The following SLC4A10 variants were observed in gnomAD, a reference collection of about 807,000 sequenced individuals.
SLC4A10 encodes sodium-driven chloride bicarbonate exchanger.
SLC4A10 carries 42 observed loss-of-function variants against 137.7 expected under a neutral mutation model. The observed-to-expected ratio is 0.30, with a 90% CI of 0.24 to 0.39. SLC4A10 has a LOEUF of 0.39. Ranked by LOEUF, SLC4A10 falls within the 10% of genes least tolerant of loss-of-function variation. The probability of loss-of-function intolerance (pLI) is 1.00; values close to 1 mark genes in which losing one functional copy is unlikely to be tolerated. For missense variants in SLC4A10, 925 were observed against 1,355.0 expected, an observed-to-expected ratio of 0.68 and a Z score of 4.98; for synonymous variants, 474 against 464.1, an observed-to-expected ratio of 1.02 and a Z score of -0.27.
At chr2:161,699,082 C>T (rs925034771) in intron 1 of SLC4A10, among the ~76,000 whole-genome samples, 8 of 152,118 alleles carry the variant, frequency 5.3e-5, no homozygotes, top group African/African-American at 1.9e-4. Flanking sequence ...TGCAGTGGCG[C>T]GATCTCAGCT....
chr2:161,708,880 T>A (rs2043975447), intron 1 of SLC4A10: 1 of 1,495,994 alleles, frequency 6.7e-7, no homozygotes, highest in African/African-American at 1.4e-5. Flanking sequence ...GGTGCTTGCT[T>A]TTTCTAGTTC....
intron 1 of SLC4A10, among the ~76,000 whole-genome samples, chr2:161,726,741 T>A (rs753640088): frequency 3.3e-5 from 5 of 152,192 alleles, no homozygotes; most frequent in Non-Finnish European, 7.4e-5. Flanking sequence ...AAACCTCAAC[T>A]CTACTAAAAA....
At chr2:161,933,191 CTTT>C (rs1559564996) in intron 15 of SLC4A10, among the ~76,000 whole-genome samples, 1 of 48,130 alleles carries the variant, frequency 2.1e-5, no homozygotes, top group Non-Finnish European at 4.3e-5. Flanking sequence ...TCTTTTCTTT[CTTT>C]CTTTCTTTCT....
intron 5 of SLC4A10, among the ~76,000 whole-genome samples, chr2:161,860,577 C>G (rs2060380618): frequency 6.6e-6 from 1 of 152,128 alleles, no homozygotes; most frequent in South Asian, 2.1e-4. Flanking sequence ...AGTGTAATGT[C>G]ATATACGTTG....
At chr2:161,848,722 C>T (rs181962113) in intron 4 of SLC4A10, among the ~76,000 whole-genome samples, 25 of 152,038 alleles carry the variant, frequency 1.6e-4, no homozygotes, top group Admixed American at 8.5e-4. Context: ...GGTCCTTTAA[C>T]CTGTTCCATT....
Position 161,912,986 on chromosome 2 carries a change from C to T in SLC4A10, c.1997+7099C>T, listed in dbSNP as rs78986911. Among the ~76,000 whole-genome samples, 108 of 152,218 alleles carry T rather than the reference C, an allele frequency of 7.1e-4. No individual in the cohort carries two copies. In the East Asian group the frequency reaches 0.02, roughly 28 times the overall value. ...GAATCCTGCTTATGGAATACTGTCA[C>T]ATCATCCTTGAGTAAATCTTTCATG... On this transcript the variant is annotated intron_variant, in intron 15 of 26. Coordinates refer to ENST00000446997, the MANE Select transcript of SLC4A10 (RefSeq NM_001178015.2).
intron 6 of SLC4A10, among the ~76,000 whole-genome samples, chr2:161,867,605 A>G (rs1415794925): frequency 1.3e-5 from 2 of 152,156 alleles, no homozygotes; most frequent in South Asian, 2.1e-4. Context: ...AAGAGCAAAC[A>G]TAATTCTAGT....
At chr2:161,851,192 T>C (rs2059811510) in intron 4 of SLC4A10, among the ~76,000 whole-genome samples, 1 of 152,136 alleles carries the variant, frequency 6.6e-6, no homozygotes, top group African/African-American at 2.4e-5. Flanking sequence ...TCTGTTTTTG[T>C]TGGGTGGAGT....
At chr2:161,775,156 TC>T (rs1450719557) in intron 2 of SLC4A10, among the ~76,000 whole-genome samples, 2 of 151,906 alleles carry the variant, frequency 1.3e-5, no homozygotes, top group Non-Finnish European at 2.9e-5. Flanking sequence ...ACTTGTCACA[TC>T]CTAGAGGATG....
chr2:161,863,159 A>T (rs2060530512), intron 6 of SLC4A10, 97 bp downstream of exon 6: 1 of 1,125,668 alleles, frequency 8.9e-7, no homozygotes, highest in African/African-American at 1.6e-5. Flanking sequence ...TTTGAAAATG[A>T]TTTTTTGAAA....
At chr2:161,737,752 G>T (rs866420846) in intron 1 of SLC4A10, among the ~76,000 whole-genome samples, 1 of 152,098 alleles carries the variant, frequency 6.6e-6, no homozygotes, top group South Asian at 2.1e-4. Flanking sequence ...GTAAACATAG[G>T]TGTAGCTGGT....
rs576834296 is a variant in SLC4A10 at position 161,629,335 on chromosome 2, T to C, written c.48+4769T>C. Among the ~76,000 whole-genome samples the C allele has an allele frequency of 8.7e-4, 132 of 151,970 alleles. 1 individual carries two copies. In the South Asian group the frequency reaches 0.013, roughly 15 times the overall value. On this transcript the variant is annotated intron_variant, in intron 1 of 26. Transcript: ENST00000446997. Reference sequence around the variant, plus strand: ...CTTTGGGGTGTACTACTTTTTTTTTTTTTTAGAAAAAGGGAATAATTTGTG... The same window carrying C: ...CTTTGGGGTGTACTACTTTTTTTTTCTTTTAGAAAAAGGGAATAATTTGTG...
chr2:161,856,791 G>C (rs1376849727), intron 5 of SLC4A10, among the ~76,000 whole-genome samples: 1 of 151,956 alleles, frequency 6.6e-6, no homozygotes, highest in Non-Finnish European at 1.5e-5. Context: ...CTCAAACCTG[G>C]TTCTTAGTAT....
chr2:161,767,137 ATATGTGTGTGTGTGTG>A (rs1455280027), intron 1 of SLC4A10, among the ~76,000 whole-genome samples: 2 of 85,960 alleles, frequency 2.3e-5, no homozygotes, highest in African/African-American at 9.0e-5. Context: ...ATATATATAT[ATATGTGTGTGTGTGTG>A]TGTGTGTGTG....
chr2:161,862,910 T>C lies in SLC4A10; in HGVS notation c.614T>C (p.Leu205Pro). Residue 205 changes from leucine (L) to proline (P), a missense_variant, in exon 6 of 27, where the codon CTG (leucine) becomes CCG (proline). By Grantham distance (98) the Leu-to-Pro change is moderately conservative. This residue lies in a region of SLC4A10 where 277 missense variants were observed against 306.1 expected (regional missense o/e 0.90). Coordinates refer to ENST00000446997, the MANE Select transcript of SLC4A10 (RefSeq NM_001178015.2). ...GACCAACAAGTGAGCTCAGGTCAGC[T>C]GAATGAAGATGTACGCCATAGGGTC... Reference protein sequence around the residue: ...VLDQQVSSGQLNEDVRHRVHE... With the variant: ...VLDQQVSSGQPNEDVRHRVHE... 1 of 1,611,106 alleles carries C rather than the reference T, an allele frequency of 6.2e-7. No homozygotes were observed. Among genetic ancestry groups the C allele is most frequent in the Non-Finnish European group, 8.5e-7 (1 of 1,178,386 alleles).
intron 3 of SLC4A10, among the ~76,000 whole-genome samples, chr2:161,820,234 T>C (rs906749275): frequency 6.6e-6 from 1 of 152,194 alleles, no homozygotes; most frequent in Non-Finnish European, 1.5e-5. Context: ...GAGCAATTTT[T>C]TGATGGACAG....
chr2:161,663,877 T>C (rs902863922), intron 1 of SLC4A10, among the ~76,000 whole-genome samples: 5 of 152,052 alleles, frequency 3.3e-5, no homozygotes, highest in Admixed American at 2.0e-4. Flanking sequence ...ATTTTTGATG[T>C]TTATGTAGAA....
At chr2:161,970,327 T>C (rs945834954) in intron 23 of SLC4A10, among the ~76,000 whole-genome samples, 17 of 152,234 alleles carry the variant, frequency 1.1e-4, no homozygotes, top group African/African-American at 4.1e-4. Flanking sequence ...TTTTATGTAT[T>C]GGCTCTTCTA....
intron 1 of SLC4A10, among the ~76,000 whole-genome samples, chr2:161,707,096 A>G (rs2043757975): frequency 6.6e-6 from 1 of 151,546 alleles, no homozygotes. Context: ...AAGGATGAGT[A>G]CCTATTTTGA....
Sources: allele counts gnomAD v4.1 joint callset (sites outside exome capture counted in the v4.1 genomes callset), GRCh38; gene constraint gnomAD v4.1.1; regional missense constraint gnomAD v4.1.1; transcripts MANE v1.5; gene names NCBI Gene and HGNC (gene_info 2026-07-23, HGNC 2026-07-21).